Variants in NUBPL observed in about 807,000 individuals in gnomAD.
NUBPL encodes iron-sulfur cluster transfer protein NUBPL.
A neutral mutation model predicts 45.7 loss-of-function variants in NUBPL; 31 were observed. That is an observed-to-expected ratio of 0.68 (90% CI 0.51 to 0.92). NUBPL has a LOEUF of 0.92. NUBPL is among the 40% of genes least tolerant of loss of function. The probability of loss-of-function intolerance (pLI) is 0.00; values close to 1 mark genes in which losing one functional copy is unlikely to be tolerated. For synonymous variants in NUBPL, 144 were observed against 140.9 expected, an observed-to-expected ratio of 1.02 and a Z score of -0.15; for missense variants, 401 against 398.7, an observed-to-expected ratio of 1.01 and a Z score of -0.05.
chr14:31,754,586 GTTTTCT>G lies in NUBPL; in HGVS notation c.514-33189_514-33184del, dbSNP rs1388638815. 1.6e-3 allele frequency among the ~76,000 whole-genome samples: 170 copies of G among 104,728 alleles called. 1 individual carries two copies. The highest frequency in any genetic ancestry group is 7.1e-3 in the African/African-American group (163 of 22,928). The allele number at this position is 104,728 out of a possible 152,430, so 68.7% of individuals were successfully genotyped here. On this transcript the variant is annotated intron_variant, in intron 6 of 10. Coordinates refer to ENST00000281081, the MANE Select transcript of NUBPL (RefSeq NM_025152.3). ...GTTTTAAATTGATAATGTCAAGAGGGTTTTCTTTTTTTTTTTTTTTTTTTTTCTATT... is the reference window on the plus strand; with the variant it reads ...GTTTTAAATTGATAATGTCAAGAGGGTTTTTTTTTTTTTTTTTTTTCTATT...
At chr14:31,852,531 C>A (rs7148196) in intron 10 of NUBPL, among the ~76,000 whole-genome samples, 3 of 151,934 alleles carry the variant, frequency 2.0e-5, no homozygotes, top group Non-Finnish European at 4.4e-5. Flanking sequence ...ATTAGCTGGG[C>A]GTGGTGGCAC....
At chr14:31,849,294 C>T (rs556043707) in intron 9 of NUBPL, among the ~76,000 whole-genome samples, 56 of 152,282 alleles carry the variant, frequency 3.7e-4, no homozygotes, top group Non-Finnish European at 7.5e-4. Context: ...TGGAGTGGTT[C>T]TGAGAACGCT....
At chr14:31,852,812 T>A (rs995251452) in intron 10 of NUBPL, among the ~76,000 whole-genome samples, 18 of 152,198 alleles carry the variant, frequency 1.2e-4, no homozygotes, top group African/African-American at 4.1e-4. Flanking sequence ...GTTAGTCTTG[T>A]GATGAATCTT....
At chr14:31,711,574 G>T (rs35655077) in intron 6 of NUBPL, among the ~76,000 whole-genome samples, 1 of 151,820 alleles carries the variant, frequency 6.6e-6, no homozygotes, top group Non-Finnish European at 1.5e-5. Context: ...TCTTGGTCTC[G>T]CAGACTTCAA....
At chr14:31,696,994 G>T (rs371805658) in intron 6 of NUBPL, among the ~76,000 whole-genome samples, 19 of 152,332 alleles carry the variant, frequency 1.2e-4, no homozygotes, top group African/African-American at 4.1e-4. Flanking sequence ...AAGGTACTAT[G>T]AAATTGAAGC....
At chr14:31,721,898 T>C (rs1274066807) in intron 6 of NUBPL, among the ~76,000 whole-genome samples, 1 of 152,218 alleles carries the variant, frequency 6.6e-6, no homozygotes, top group Non-Finnish European at 1.5e-5. Context: ...GTTAGTTTGC[T>C]AAGGATAATG....
At chr14:31,599,644 T>G (rs879277032) in intron 4 of NUBPL, among the ~76,000 whole-genome samples, 43 of 152,286 alleles carry the variant, frequency 2.8e-4, no homozygotes, top group African/African-American at 8.9e-4. Context: ...ACTTCTAATA[T>G]TAAACAAAGA....
At chr14:31,704,235 A>G (rs2037398573) in intron 6 of NUBPL, among the ~76,000 whole-genome samples, 1 of 152,008 alleles carries the variant, frequency 6.6e-6, no homozygotes, top group South Asian at 2.1e-4. Context: ...CAGGGGCAGG[A>G]TTTTGCCTTC....
rs147567390 is a variant in NUBPL, at chr14:31,816,808, A to T, written c.608-9821A>T. Among the ~76,000 whole-genome samples, 1,380 of 152,194 alleles carry T rather than the reference A, an allele frequency of 9.1e-3. 14 individuals carry two copies. Among genetic ancestry groups the T allele is most frequent in the South Asian group, 0.018 (88 of 4,830 alleles). The stretch of plus-strand genomic sequence containing the variant: ...ACTTACCCAGTAATCATTCAGGAGC[A>T]TGTTGTTCAGTTTCCATGTAGTTGT... On this transcript the variant is annotated intron_variant, in intron 7 of 10. Transcript: ENST00000281081.
Position 31,745,582 on chromosome 14 carries a change from C to T in NUBPL, c.514-42198C>T, listed in dbSNP as rs531581655. On this transcript the variant is annotated intron_variant, in intron 6 of 10. Coordinates refer to ENST00000281081, the MANE Select transcript of NUBPL (RefSeq NM_025152.3). ...GTGCTGGTGTTGATTTCTTTTTCAGCTAGTTTGTTATTGCTGTATGTAAAT... is the reference window on the plus strand; with the variant it reads ...GTGCTGGTGTTGATTTCTTTTTCAGTTAGTTTGTTATTGCTGTATGTAAAT... 2.1e-3 allele frequency among the ~76,000 whole-genome samples: 321 copies of T among 152,076 alleles called. 7 individuals are homozygous for T. Among genetic ancestry groups the T allele is most frequent in the African/African-American group, 7.4e-3 (307 of 41,382 alleles).
At chr14:31,790,063 C>T (rs1415197354) in intron 7 of NUBPL, among the ~76,000 whole-genome samples, 1 of 152,124 alleles carries the variant, frequency 6.6e-6, no homozygotes, top group Non-Finnish European at 1.5e-5. Flanking sequence ...TTGCATTATT[C>T]ATATAGATAA....
At chr14:31,590,737 AC>A (rs1264943362) in intron 3 of NUBPL, among the ~76,000 whole-genome samples, 3 of 152,198 alleles carry the variant, frequency 2.0e-5, no homozygotes, top group African/African-American at 7.2e-5. Flanking sequence ...AGTTGATATC[AC>A]AGATAACTAT....
intron 7 of NUBPL, among the ~76,000 whole-genome samples, chr14:31,800,014 A>T (rs1053013046): frequency 2.6e-5 from 4 of 152,364 alleles, no homozygotes; most frequent in South Asian, 2.1e-4. Flanking sequence ...TCATTTCAAC[A>T]GTGTTCACAG....
At chr14:31,800,147 C>A (rs965891413) in intron 7 of NUBPL, among the ~76,000 whole-genome samples, 1 of 152,176 alleles carries the variant, frequency 6.6e-6, no homozygotes, top group African/African-American at 2.4e-5. Flanking sequence ...ATCTTCAGAT[C>A]CCACTTCTAA....
intron 3 of NUBPL, among the ~76,000 whole-genome samples, chr14:31,594,139 C>G (rs541290717): frequency 1.1e-4 from 17 of 152,160 alleles, no homozygotes; most frequent in African/African-American, 4.1e-4. Context: ...GATTATTGGC[C>G]AGGTGTGGTG....
At chr14:31,742,237 T>TGTACAC (rs528801796) in intron 6 of NUBPL, among the ~76,000 whole-genome samples, 2 of 141,382 alleles carry the variant, frequency 1.4e-5, no homozygotes, top group Non-Finnish European at 3.1e-5. Context: ...AACTATTGTG[T>TGTACAC]ACACACACAC....
chr14:31,726,696 C>T (rs942648465), intron 6 of NUBPL, among the ~76,000 whole-genome samples: 1 of 151,788 alleles, frequency 6.6e-6, no homozygotes, highest in African/African-American at 2.4e-5. Context: ...CACAGGTCAT[C>T]TGGATACTTC....
intron 4 of NUBPL, among the ~76,000 whole-genome samples, chr14:31,639,491 A>C (rs1036530389): frequency 1.3e-5 from 2 of 152,064 alleles, no homozygotes; most frequent in African/African-American, 2.4e-5. Flanking sequence ...GTCTGCCCCT[A>C]CTGGGGGGTG....
intron 6 of NUBPL, among the ~76,000 whole-genome samples, chr14:31,756,165 A>G (rs1293954180): frequency 2.6e-5 from 4 of 151,892 alleles, no homozygotes; most frequent in African/African-American, 9.7e-5. Flanking sequence ...TTGGCTTAGG[A>G]TTGACTTGGT....
Sources: allele counts gnomAD v4.1 joint callset (sites outside exome capture counted in the v4.1 genomes callset), GRCh38; gene constraint gnomAD v4.1.1; transcripts MANE v1.5; gene names NCBI Gene and HGNC (gene_info 2026-07-23, HGNC 2026-07-21).